The following MERTK variants were observed in gnomAD, a reference collection of about 807,000 sequenced individuals.
The protein encoded by MERTK is tyrosine-protein kinase Mer.
A neutral mutation model predicts 99.3 loss-of-function variants in MERTK; 69 were observed. The observed-to-expected ratio is 0.70, with a 90% CI of 0.57 to 0.85. MERTK has a LOEUF of 0.85. Among genes scored for constraint, MERTK ranks in the 40% least tolerant of loss-of-function variants. The pLI, the probability that MERTK is intolerant of heterozygous loss-of-function variation, is 0.00. For synonymous variants in MERTK, 426 were observed against 467.6 expected, an observed-to-expected ratio of 0.91 and a Z score of 1.15; for missense variants, 1,125 against 1,249.4, an observed-to-expected ratio of 0.90 and a Z score of 1.50.
chr2:112,003,202 GT>G lies in MERTK; in HGVS notation c.1786+16del. ...TCTGGGTGAAGGTAAGCAATTTAAA[GT>G]AATTCTTTTAAAATGTGGGATAAGA... On this transcript the variant is annotated intron_variant, in intron 12 of 18. Coordinates refer to ENST00000295408, the MANE Select transcript of MERTK (RefSeq NM_006343.3). The G allele has an allele frequency of 8.0e-7, 1 of 1,249,388 alleles. No individual in the cohort carries two copies. The highest frequency in any genetic ancestry group is 1.2e-6 in the Non-Finnish European group (1 of 848,292). The allele number at this position is 1,249,388 out of a possible 1,614,324, so 77.4% of individuals were successfully genotyped here. A position where few individuals can be genotyped will look rare whatever the true frequency, so the allele number is the denominator to read the frequency against.
At chr2:112,022,123 C>T (rs1677363823) in intron 17 of MERTK, 135 bp from the exon 18 acceptor site, 1 of 1,172,146 alleles carries the variant, frequency 8.5e-7, no homozygotes, top group Non-Finnish European at 1.3e-6. Flanking sequence ...GTTGGGAGAG[C>T]AGTGCGTCTC....
At chr2:111,899,964 A>G (rs1684013743) in intron 1 of MERTK, among the ~76,000 whole-genome samples, 1 of 152,110 alleles carries the variant, frequency 6.6e-6, no homozygotes, top group African/African-American at 2.4e-5. Flanking sequence ...AGGCTGGAAT[A>G]AACTTACCAG....
chr2:112,007,229 A>G (rs1168643883), intron 13 of MERTK, among the ~76,000 whole-genome samples: 1 of 152,146 alleles, frequency 6.6e-6, no homozygotes, highest in Non-Finnish European at 1.5e-5. Context: ...ATCTCAGCTC[A>G]CTGCAAACTC....
rs35055243 is a variant in MERTK at position 111,969,689 on chromosome 2, C to CT, written c.960+1457dup. Reference sequence around the variant, plus strand: ...CCCTCACCCACCACCTCCAGCCTTTCTTTTTTTTTTTTTTTTTTTTGAGAC... The same window carrying CT: ...CCCTCACCCACCACCTCCAGCCTTTCTTTTTTTTTTTTTTTTTTTTTGAGAC... On this transcript the variant is annotated intron_variant, in intron 6 of 18. Transcript: ENST00000295408. 7.6e-3 allele frequency among the ~76,000 whole-genome samples: 904 copies of CT among 119,132 alleles called. 16 individuals carry two copies. Among genetic ancestry groups the CT allele is most frequent in the African/African-American group, 0.023 (677 of 29,922 alleles). 78.2% of individuals were successfully genotyped at this position (119,132 alleles called of 152,430 possible). A position where few individuals can be genotyped will look rare whatever the true frequency, so the allele number is the denominator to read the frequency against.
chr2:112,007,625 C>T (rs1677010642), intron 13 of MERTK, among the ~76,000 whole-genome samples: 1 of 152,134 alleles, frequency 6.6e-6, no homozygotes, highest in African/African-American at 2.4e-5. Flanking sequence ...TTGTGACAGG[C>T]TTGTTTCACT....
chr2:111,974,120 G>T (rs973875953), intron 6 of MERTK, among the ~76,000 whole-genome samples: 1 of 150,818 alleles, frequency 6.6e-6, no homozygotes, highest in African/African-American at 2.4e-5. Flanking sequence ...TGAGTGCATT[G>T]GCTCACGCCT....
At chr2:111,956,735 A>G (rs891428418) in intron 4 of MERTK, among the ~76,000 whole-genome samples, 1 of 143,790 alleles carries the variant, frequency 7.0e-6, no homozygotes, top group African/African-American at 2.6e-5. Flanking sequence ...TCTCTACTCA[A>G]TGTAACCTCA....
intron 13 of MERTK, among the ~76,000 whole-genome samples, chr2:112,007,688 A>C (rs1242233302): frequency 6.6e-6 from 1 of 151,712 alleles, no homozygotes; most frequent in African/African-American, 2.4e-5. Flanking sequence ...TTAATTCAAA[A>C]AATTTGGTAT....
intron 4 of MERTK, among the ~76,000 whole-genome samples, chr2:111,957,745 TAGAG>T (rs1685176615): frequency 6.6e-6 from 1 of 152,136 alleles, no homozygotes; most frequent in African/African-American, 2.4e-5. Context: ...GCAGAGCAGA[TAGAG>T]AGGTCCAAGT....
chr2:112,000,370 C>T (rs545001865), intron 10 of MERTK, among the ~76,000 whole-genome samples: 3 of 152,266 alleles, frequency 2.0e-5, no homozygotes, highest in South Asian at 4.1e-4. Context: ...TTCTGGGATC[C>T]CTTCCAGGAT....
chr2:111,946,456 T>G (rs11692445), intron 3 of MERTK, among the ~76,000 whole-genome samples: 31,851 of 152,146 alleles, frequency 0.21, 4,015 homozygotes, highest in Middle Eastern at 0.36. Flanking sequence ...CTCGTTATAT[T>G]TTTGAACACC....
intron 1 of MERTK, among the ~76,000 whole-genome samples, chr2:111,899,002 C>T (rs1038341711): frequency 6.6e-6 from 1 of 152,234 alleles, no homozygotes; most frequent in Non-Finnish European, 1.5e-5. Context: ...CCCGAGGGCA[C>T]CCAGCCTGGC....
intron 15 of MERTK, 149 bp from the exon 16 acceptor site, chr2:112,019,264 T>C: frequency 1.3e-6 from 1 of 775,296 alleles, no homozygotes; most frequent in South Asian, 1.4e-5. Flanking sequence ...TTATTTGTGA[T>C]ATTAGTGATA....
In MERTK at chr2:111,947,712, C is replaced by T. The variant is rs1003788117; in HGVS notation, c.757+145C>T. 1.7e-4 allele frequency: 164 copies of T among 975,108 alleles called. No individual in the cohort carries two copies. The Middle Eastern group carries it at 3.1e-3, about 18-fold the overall frequency. 60.4% of individuals were successfully genotyped at this position (975,108 alleles called of 1,614,324 possible). A position where few individuals can be genotyped will look rare whatever the true frequency, so the allele number is the denominator to read the frequency against. ...CAGCAAAGTTATGGGACCAGGTAGA[C>T]GGGAAGGCAGGTGGGAATCACAGGT... On this transcript the variant is annotated intron_variant, in intron 4 of 18. Transcript: ENST00000295408.
intron 18 of MERTK, chr2:112,022,620 G>A (rs1370529136): frequency 1.3e-6 from 1 of 777,378 alleles, no homozygotes; most frequent in Non-Finnish European, 2.3e-6. Flanking sequence ...CTCATCCAAA[G>A]GGCCTCAGTC....
chr2:111,984,355 A>G (rs531621398), intron 8 of MERTK, among the ~76,000 whole-genome samples: 1 of 152,320 alleles, frequency 6.6e-6, no homozygotes, highest in East Asian at 1.9e-4. Context: ...ATGTTGAGCC[A>G]CATAGCTGGG....
In MERTK at chr2:111,947,516, A is replaced by G. The variant is rs749064163; in HGVS notation, c.706A>G (p.Ser236Gly). 10 of 1,614,046 alleles carry G rather than the reference A, an allele frequency of 6.2e-6. No individual in the cohort carries two copies. The highest frequency in any genetic ancestry group is 6.8e-6 in the Non-Finnish European group (8 of 1,180,034). The change falls in exon 4 of 19, where the codon AGC (serine) becomes GGC (glycine). Residue 236 changes from serine (S) to glycine (G), a missense_variant. Physicochemically the swap from Ser to Gly is moderately conservative, Grantham distance 56. Transcript: ENST00000295408. ...CAACATTTTCTGGGTTCAAAACAGT[A>G]GCCGTGTTAACGAACAGCCTGAAAA... ...PVNIFWVQNSSRVNEQPEKSP... is the reference protein window; with the variant it reads ...PVNIFWVQNSGRVNEQPEKSP...
intron 1 of MERTK, among the ~76,000 whole-genome samples, chr2:111,910,610 G>GTGTGTGTGTGTGTGTGTATATA (rs370882764): frequency 1.4e-5 from 2 of 143,588 alleles, no homozygotes; most frequent in African/African-American, 5.2e-5. Flanking sequence ...GTGTGTGTGT[G>GTGTGTGTGTGTGTGTGTATATA]TATATATATA....
intron 18 of MERTK, among the ~76,000 whole-genome samples, chr2:112,027,364 C>G (rs1194786884): frequency 6.6e-6 from 1 of 150,948 alleles, no homozygotes; most frequent in African/African-American, 2.4e-5. Flanking sequence ...AATTAATATG[C>G]CTGGCCCTGA....
Sources: gnomAD v4.1 joint callset for allele counts (sites outside exome capture counted in the v4.1 genomes callset) on GRCh38, gnomAD v4.1.1 for gene constraint, MANE v1.5 for transcripts, NCBI Gene and HGNC (gene_info 2026-07-23, HGNC 2026-07-21) for gene names.